The following NDEL1 variants were observed in gnomAD, a reference collection of about 807,000 sequenced individuals.
NDEL1 encodes nudE neurodevelopment protein 1 like 1.
A neutral mutation model predicts 45.7 loss-of-function variants in NDEL1; 9 were observed. That is an observed-to-expected ratio of 0.20 (90% CI 0.12 to 0.34). The LOEUF (loss-of-function observed/expected upper bound fraction) is 0.34. Ranked by LOEUF, NDEL1 falls within the 10% of genes least tolerant of loss-of-function variation. NDEL1 has a pLI of 1.00. For synonymous variants in NDEL1, 133 were observed against 158.6 expected (o/e 0.84, Z 1.21); for missense variants, 306 against 406.2 (o/e 0.75, Z 2.12).
chr17:8,430,198 G>A (rs1908964527), intron 1 of NDEL1, among the ~76,000 whole-genome samples: 2 of 152,182 alleles, frequency 1.3e-5, no homozygotes, highest in Admixed American at 6.5e-5. Context: ...TGGAGGTGGT[G>A]GTGGGACATC....
chr17:8,451,098 A>G, intron 6 of NDEL1, 145 bp downstream of exon 6: 1 of 628,090 alleles, frequency 1.6e-6, no homozygotes, highest in Non-Finnish European at 2.4e-6. Flanking sequence ...AGAAGAAGGA[A>G]TTGTTTTCCT....
intron 1 of NDEL1, among the ~76,000 whole-genome samples, chr17:8,423,320 T>C (rs1300683287): frequency 2.6e-5 from 4 of 152,106 alleles, no homozygotes; most frequent in Non-Finnish European, 5.9e-5. Flanking sequence ...AGTAGGTGTT[T>C]AGAAGGTATG....
At chr17:8,463,688 A>AC (rs1026203426) in intron 8 of NDEL1, among the ~76,000 whole-genome samples, 3 of 152,162 alleles carry the variant, frequency 2.0e-5, no homozygotes, top group Non-Finnish European at 4.4e-5. Context: ...CCCTGGGATC[A>AC]CCTTTGACTG....
At chr17:8,437,910 G>A (rs912031936) in intron 1 of NDEL1, among the ~76,000 whole-genome samples, 1 of 134,740 alleles carries the variant, frequency 7.4e-6, no homozygotes, top group South Asian at 2.7e-4. Context: ...GACTGTGTCC[G>A]TATTGAGATC....
At chr17:8,433,517 A>G (rs930475072), upstream of NDEL1, among the ~76,000 whole-genome samples, 1 of 152,122 alleles carries the variant, frequency 6.6e-6, no homozygotes, top group Non-Finnish European at 1.5e-5. Flanking sequence ...TTTTCCACCC[A>G]GGCTTCACCA....
chr17:8,451,891 T>C (rs1384435684), intron 6 of NDEL1, among the ~76,000 whole-genome samples: 1 of 152,226 alleles, frequency 6.6e-6, no homozygotes, highest in Non-Finnish European at 1.5e-5. Context: ...CTGTCTGTGC[T>C]ACTCAATAGT....
At chr17:8,435,685 C>T (rs1195594641), upstream of NDEL1, among the ~76,000 whole-genome samples, 1 of 152,218 alleles carries the variant, frequency 6.6e-6, no homozygotes, top group Non-Finnish European at 1.5e-5. Flanking sequence ...CAAAACCAGC[C>T]GGTCGCAGAG....
At chr17:8,438,538 C>A (rs796772136) in intron 1 of NDEL1, among the ~76,000 whole-genome samples, 27 of 151,748 alleles carry the variant, frequency 1.8e-4, no homozygotes, top group African/African-American at 6.5e-4. Flanking sequence ...TTTTTGGAGG[C>A]AGGGTCTCAT....
At chr17:8,438,588 T>C in intron 1 of NDEL1, among the ~76,000 whole-genome samples, 1 of 151,918 alleles carries the variant, frequency 6.6e-6, no homozygotes. Flanking sequence ...TGATTACAGC[T>C]TACTGCAGCC....
intron 2 of NDEL1, chr17:8,444,946 G>A (rs555469282): frequency 6.6e-6 from 1 of 152,212 alleles, no homozygotes; most frequent in South Asian, 2.1e-4. Flanking sequence ...TCCTATTTTG[G>A]TTAACAGAGT....
At chr17:8,460,885 A>G (rs1049708768) in intron 8 of NDEL1, among the ~76,000 whole-genome samples, 1 of 152,196 alleles carries the variant, frequency 6.6e-6, no homozygotes, top group South Asian at 2.1e-4. Context: ...CATGACTTCT[A>G]TTGCCATTAT....
At chr17:8,434,469 G>A (rs1193133585), upstream of NDEL1, among the ~76,000 whole-genome samples, 3 of 151,968 alleles carry the variant, frequency 2.0e-5, no homozygotes, top group Non-Finnish European at 4.4e-5. Context: ...TGCCCGCCTC[G>A]GCTTCCCAAA....
intron 7 of NDEL1, 95 bp from the exon 8 acceptor site, chr17:8,459,912 TAA>T: frequency 7.0e-6 from 9 of 1,282,616 alleles, no homozygotes; most frequent in Non-Finnish European, 9.8e-6. Flanking sequence ...CTGAGATGAG[TAA>T]GTTTTGAGGC....
downstream of NDEL1, among the ~76,000 whole-genome samples, chr17:8,471,376 C>T (rs921450289): frequency 9.2e-5 from 14 of 152,206 alleles, no homozygotes; most frequent in East Asian, 1.9e-4. Flanking sequence ...TTCCAGGAGT[C>T]GGGCAATGAC....
upstream of NDEL1, chr17:8,431,269 A>G (rs1597516202): frequency 6.6e-6 from 1 of 152,290 alleles, no homozygotes; most frequent in East Asian, 1.9e-4. Flanking sequence ...CTGTGATCTC[A>G]TCAGCCAGAG....
chr17:8,430,500 A>G (rs1908973523), intron 1 of NDEL1, among the ~76,000 whole-genome samples: 1 of 152,160 alleles, frequency 6.6e-6, no homozygotes, highest in African/African-American at 2.4e-5. Context: ...GCTTGTACCC[A>G]GATCTCTCTT....
chr17:8,423,864 T>A (rs1286232890), intron 1 of NDEL1, among the ~76,000 whole-genome samples: 1 of 152,204 alleles, frequency 6.6e-6, no homozygotes, highest in African/African-American at 2.4e-5. Context: ...CACTCTTGTA[T>A]CTACTGGGGT....
chr17:8,429,677 G>A (rs760590345), intron 1 of NDEL1, among the ~76,000 whole-genome samples: 6 of 152,172 alleles, frequency 3.9e-5, no homozygotes, highest in Non-Finnish European at 7.3e-5. Context: ...GCCAGACCTA[G>A]AGAGGTGATC....
chr17:8,433,197 G>A (rs992368915), upstream of NDEL1, among the ~76,000 whole-genome samples: 3 of 152,058 alleles, frequency 2.0e-5, no homozygotes, highest in African/African-American at 7.2e-5. Context: ...GGGCACAATG[G>A]TTTTGCCACC....
Sources: gnomAD v4.1 joint callset for allele counts (sites outside exome capture counted in the v4.1 genomes callset) on GRCh38, gnomAD v4.1.1 for gene constraint, MANE v1.5 for transcripts, NCBI Gene and HGNC (gene_info 2026-07-23, HGNC 2026-07-21) for gene names.